The following MACROD2 variants were observed in gnomAD, a reference collection of about 807,000 sequenced individuals.
The protein encoded by MACROD2 is ADP-ribose glycohydrolase MACROD2.
MACROD2 carries 36 observed loss-of-function variants against 70.4 expected under a neutral mutation model. The observed-to-expected ratio is 0.51, with a 90% CI of 0.39 to 0.68. The LOEUF is 0.68. Among genes scored for constraint, MACROD2 ranks in the 30% least tolerant of loss-of-function variants. The pLI, the probability that MACROD2 is intolerant of heterozygous loss-of-function variation, is 0.00. For missense variants in MACROD2, 496 were observed against 538.4 expected, an observed-to-expected ratio of 0.92 and a Z score of 0.78; for synonymous variants, 172 against 178.8, an observed-to-expected ratio of 0.96 and a Z score of 0.30.
chr20:14,035,928 G>C (rs180898753), intron 2 of MACROD2, among the ~76,000 whole-genome samples: 1 of 152,334 alleles, frequency 6.6e-6, no homozygotes, highest in Admixed American at 6.5e-5. Context: ...GGATCACGAG[G>C]TCAGGAGATT....
intron 5 of MACROD2, among the ~76,000 whole-genome samples, chr20:14,765,347 G>A (rs735796): frequency 0.48 from 72,181 of 151,562 alleles, 18,093 homozygotes; most frequent in Non-Finnish European, 0.56. Flanking sequence ...CCCTGGACTC[G>A]CCTCAGCTTC....
intron 3 of MACROD2, among the ~76,000 whole-genome samples, chr20:14,476,478 C>T (rs1480644696): frequency 6.6e-6 from 1 of 152,198 alleles, no homozygotes; most frequent in Non-Finnish European, 1.5e-5. Context: ...GCCTTAGCCT[C>T]CCTAGTAGCT....
chr20:15,069,848 A>G (rs2075605556), intron 5 of MACROD2, among the ~76,000 whole-genome samples: 1 of 152,208 alleles, frequency 6.6e-6, no homozygotes, highest in Non-Finnish European at 1.5e-5. Flanking sequence ...TACTAGGTCA[A>G]TGTCTAGGGG....
intron 3 of MACROD2, among the ~76,000 whole-genome samples, chr20:14,357,103 G>A (rs918718646): frequency 1.3e-5 from 2 of 152,204 alleles, no homozygotes; most frequent in East Asian, 3.9e-4. Context: ...TTAAGAGGGA[G>A]GAACGTAGAC....
chr20:14,309,757 TAAAC>T (rs1453087318), intron 3 of MACROD2, among the ~76,000 whole-genome samples: 2 of 151,992 alleles, frequency 1.3e-5, no homozygotes, highest in Non-Finnish European at 2.9e-5. Flanking sequence ...ACTATACAAA[TAAAC>T]AAAAAAATGG....
At chr20:15,499,954 T>C in intron 8 of MACROD2, 107 bp downstream of exon 8, 1 of 1,033,326 alleles carries the variant, frequency 9.7e-7, no homozygotes, top group East Asian at 2.6e-5. Context: ...CACCTAGTCA[T>C]TGAGCCAAAC....
intron 8 of MACROD2, among the ~76,000 whole-genome samples, chr20:15,743,660 C>G (rs1372272000): frequency 6.6e-6 from 1 of 152,094 alleles, no homozygotes; most frequent in Admixed American, 6.6e-5. Flanking sequence ...CTACACATAT[C>G]TTTTCCTTTG....
chr20:15,893,689 C>T (rs1291561778), intron 10 of MACROD2: 2 of 456,660 alleles, frequency 4.4e-6, no homozygotes, highest in Non-Finnish European at 8.8e-6. Flanking sequence ...GACCCAGAAG[C>T]GATAGAGCAG....
intron 8 of MACROD2, among the ~76,000 whole-genome samples, chr20:15,760,001 C>A (rs1355850873): frequency 5.9e-5 from 9 of 152,160 alleles, no homozygotes; most frequent in Admixed American, 5.9e-4. Flanking sequence ...CAATATTGTG[C>A]TCACAGGACA....
chr20:15,414,214 A>G (rs542751325), intron 6 of MACROD2, among the ~76,000 whole-genome samples: 21 of 152,334 alleles, frequency 1.4e-4, no homozygotes, highest in African/African-American at 5.1e-4. Flanking sequence ...CAGAATTGTG[A>G]AAGTTCTTAG....
chr20:14,033,085 CT>C (rs11480685), intron 2 of MACROD2, among the ~76,000 whole-genome samples: 35,373 of 132,552 alleles, frequency 0.27, 4,903 homozygotes, highest in African/African-American at 0.42. Flanking sequence ...CTTGGTTTTT[CT>C]TTTTTTTTTT....
At chr20:14,080,598 TA>T (rs2053979254) in intron 2 of MACROD2, among the ~76,000 whole-genome samples, 1 of 151,772 alleles carries the variant, frequency 6.6e-6, no homozygotes. Context: ...AAACAAGAGT[TA>T]AAAAAGGAAG....
chr20:15,852,179 C>G (rs2147148772), intron 8 of MACROD2, among the ~76,000 whole-genome samples: 1 of 152,256 alleles, frequency 6.6e-6, no homozygotes, highest in Admixed American at 6.5e-5. Flanking sequence ...ATGAGGCAGG[C>G]TCGGAAATTA....
At chr20:14,280,888 A>T (rs566343704) in intron 3 of MACROD2, among the ~76,000 whole-genome samples, 3 of 152,330 alleles carry the variant, frequency 2.0e-5, no homozygotes, top group African/African-American at 7.2e-5. Context: ...AATTCTTCTG[A>T]ATCAATAATT....
At chr20:14,328,473 ATAGATT>A (rs1270216656) in intron 3 of MACROD2, among the ~76,000 whole-genome samples, 3 of 152,120 alleles carry the variant, frequency 2.0e-5, no homozygotes, top group Non-Finnish European at 4.4e-5. Flanking sequence ...CTGGCAAAGT[ATAGATT>A]TATACTGATG....
chr20:15,507,050 G>A (rs1012123817), intron 8 of MACROD2, among the ~76,000 whole-genome samples: 3 of 152,250 alleles, frequency 2.0e-5, no homozygotes, highest in African/African-American at 4.8e-5. Context: ...CCGTAAAAAC[G>A]TATCCTTTGA....
At chr20:15,873,215 T>C (rs1043812565) in intron 9 of MACROD2, among the ~76,000 whole-genome samples, 2 of 152,196 alleles carry the variant, frequency 1.3e-5, no homozygotes, top group Non-Finnish European at 2.9e-5. Flanking sequence ...GAATGTCATG[T>C]ACTATACAAC....
At chr20:14,230,631 TTA>T (rs71190119) in intron 3 of MACROD2, among the ~76,000 whole-genome samples, 5 of 94,262 alleles carry the variant, frequency 5.3e-5, no homozygotes, top group African/African-American at 2.8e-4. Flanking sequence ...TCATTCATGT[TTA>T]TATATATATA....
intron 8 of MACROD2, among the ~76,000 whole-genome samples, chr20:15,667,643 C>A (rs1250005274): frequency 6.6e-6 from 1 of 152,064 alleles, no homozygotes; most frequent in Non-Finnish European, 1.5e-5. Flanking sequence ...CCAAAATGGA[C>A]AAAAATTACA....
Sources: gnomAD v4.1 joint callset for allele counts (sites outside exome capture counted in the v4.1 genomes callset) on GRCh38, gnomAD v4.1.1 for gene constraint, MANE v1.5 for transcripts, NCBI Gene and HGNC (gene_info 2026-07-23, HGNC 2026-07-21) for gene names.